AGMO: variants seen among roughly 807,000 people sequenced by gnomAD.
AGMO encodes the protein glyceryl-ether monooxygenase.
A neutral mutation model predicts 60.2 loss-of-function variants in AGMO; 75 were observed. The observed-to-expected ratio is 1.25, with a 90% CI of 1.03 to 1.51. The LOEUF (loss-of-function observed/expected upper bound fraction) is 1.51, where lower values mean the gene tolerates loss of function less well. Among genes scored for constraint, AGMO ranks in the 40% most tolerant of loss-of-function variants. The pLI is 0.00. For missense variants in AGMO, 763 were observed against 525.5 expected, an observed-to-expected ratio of 1.45 and a Z score of -4.42; for synonymous variants, 261 against 177.1, an observed-to-expected ratio of 1.47 and a Z score of -3.76.
intron 3 of AGMO, among the ~76,000 whole-genome samples, chr7:15,501,572 T>G (rs1783386073): frequency 6.6e-6 from 1 of 151,964 alleles, no homozygotes. Flanking sequence ...ACTCCATTAT[T>G]ATGCCCTACA....
intron 3 of AGMO, among the ~76,000 whole-genome samples, chr7:15,458,290 T>C (rs1390950189): frequency 6.6e-6 from 1 of 152,128 alleles, no homozygotes; most frequent in African/African-American, 2.4e-5. Flanking sequence ...AATAAAATCA[T>C]GTTTGGAGGA....
the AGMO span, among the ~76,000 whole-genome samples, chr7:15,182,640 C>T: frequency 4.6e-5 from 7 of 152,232 alleles, no homozygotes; most frequent in East Asian, 1.9e-4. Context: ...TGGTCTTGAA[C>T]GCCTGAGCTC....
chr7:15,229,673 G>A (rs1405870771), intron 12 of AGMO, among the ~76,000 whole-genome samples: 1 of 147,176 alleles, frequency 6.8e-6, no homozygotes, highest in South Asian at 2.1e-4. Flanking sequence ...GGGAAAATGC[G>A]AAGTATACAC....
chr7:15,303,348 A>G (rs547654750), intron 12 of AGMO, among the ~76,000 whole-genome samples: 2 of 152,128 alleles, frequency 1.3e-5, no homozygotes, highest in Non-Finnish European at 2.9e-5. Flanking sequence ...AGGTAAAAAT[A>G]AAGATCTTTT....
At chr7:15,321,686 G>T (rs1430678357) in intron 12 of AGMO, among the ~76,000 whole-genome samples, 1 of 151,732 alleles carries the variant, frequency 6.6e-6, no homozygotes, top group Non-Finnish European at 1.5e-5. Flanking sequence ...GACTTCTACG[G>T]AACAAAAATC....
At chr7:15,392,209 G>A (rs951694543) in intron 6 of AGMO, among the ~76,000 whole-genome samples, 1 of 151,776 alleles carries the variant, frequency 6.6e-6, no homozygotes, top group African/African-American at 2.4e-5. Flanking sequence ...AGCTGCGACC[G>A]CAGGTGCCGG....
chr7:15,537,219 C>G (rs1299900855), intron 3 of AGMO, among the ~76,000 whole-genome samples: 1 of 151,992 alleles, frequency 6.6e-6, no homozygotes, highest in Non-Finnish European at 1.5e-5. Flanking sequence ...CCTGGACTTT[C>G]AAAGCATTTT....
At chr7:15,201,842 T>G (rs1376884839) in intron 12 of AGMO, among the ~76,000 whole-genome samples, 3 of 152,178 alleles carry the variant, frequency 2.0e-5, no homozygotes, top group African/African-American at 7.2e-5. Flanking sequence ...CTGCTGATGA[T>G]TTACCTCCTC....
At chr7:15,156,343 C>T in the AGMO span, among the ~76,000 whole-genome samples, 49 of 94,398 alleles carry the variant, frequency 5.2e-4, no homozygotes, top group Middle Eastern at 6.0e-3. Context: ...GGCATTAACC[C>T]TGGGAGAGGC....
At chr7:15,343,666 T>G (rs1375951020) in intron 12 of AGMO, among the ~76,000 whole-genome samples, 2 of 152,176 alleles carry the variant, frequency 1.3e-5, no homozygotes, top group Non-Finnish European at 2.9e-5. Flanking sequence ...CTGTTTTATC[T>G]GTATATTCTT....
intron 10 of AGMO, among the ~76,000 whole-genome samples, chr7:15,376,189 T>G (rs1783442741): frequency 6.6e-6 from 1 of 151,986 alleles, no homozygotes; most frequent in African/African-American, 2.4e-5. Flanking sequence ...CACATTCCTT[T>G]TTTTTCCCCC....
At chr7:15,376,350 C>T (rs1334138213) in intron 10 of AGMO, among the ~76,000 whole-genome samples, 1 of 151,258 alleles carries the variant, frequency 6.6e-6, no homozygotes, top group African/African-American at 2.4e-5. Flanking sequence ...GCACTCTCTG[C>T]TGTAAGAGTC....
At chr7:15,220,306 G>T (rs1209685078) in intron 12 of AGMO, among the ~76,000 whole-genome samples, 2 of 142,784 alleles carry the variant, frequency 1.4e-5, no homozygotes, top group South Asian at 2.2e-4. Flanking sequence ...TGCAACCTCT[G>T]CCTCCTGGGT....
the AGMO span, among the ~76,000 whole-genome samples, chr7:15,188,405 G>A: frequency 1.3e-5 from 2 of 152,182 alleles, no homozygotes; most frequent in Admixed American, 1.3e-4. Context: ...TACTATGTAA[G>A]ATTTCATGTC....
chr7:15,540,913 G>A (rs1460511195), intron 3 of AGMO, among the ~76,000 whole-genome samples: 3 of 151,918 alleles, frequency 2.0e-5, no homozygotes, highest in East Asian at 1.9e-4. Flanking sequence ...ACAAATATAC[G>A]CACTCATGTA....
intron 3 of AGMO, among the ~76,000 whole-genome samples, chr7:15,462,325 C>T (rs139635569): frequency 6.6e-6 from 1 of 152,100 alleles, no homozygotes; most frequent in South Asian, 2.1e-4. Flanking sequence ...GAGACAGATT[C>T]AAGCTTAGAA....
chr7:15,400,498 T>C (rs1170482527), intron 5 of AGMO, among the ~76,000 whole-genome samples: 3 of 152,186 alleles, frequency 2.0e-5, no homozygotes, highest in Non-Finnish European at 2.9e-5. Flanking sequence ...TCTAGACCTT[T>C]ACTGTTCAGG....
chr7:15,384,221 G>A (rs1413382622), intron 10 of AGMO, among the ~76,000 whole-genome samples: 1 of 152,194 alleles, frequency 6.6e-6, no homozygotes, highest in Non-Finnish European at 1.5e-5. Context: ...ACAGGCATGA[G>A]CCACCACGCC....
chr7:15,349,073 A>T (rs1017977253), intron 12 of AGMO, among the ~76,000 whole-genome samples: 8 of 152,138 alleles, frequency 5.3e-5, no homozygotes, highest in African/African-American at 1.4e-4. Context: ...TATGAGTACA[A>T]CATGGAAGGA....
Sources: allele counts gnomAD v4.1 joint callset (sites outside exome capture counted in the v4.1 genomes callset), GRCh38; gene constraint gnomAD v4.1.1; transcripts MANE v1.5; gene names NCBI Gene and HGNC (gene_info 2026-07-23, HGNC 2026-07-21).